The following RASGRF2 variants were observed in gnomAD, a reference collection of about 807,000 sequenced individuals.
RASGRF2 encodes the protein Ras protein specific guanine nucleotide releasing factor 2, also known as ras-specific guanine nucleotide-releasing factor 2.
RASGRF2 carries 76 observed loss-of-function variants against 151.0 expected under a neutral mutation model. That is an observed-to-expected ratio of 0.50 (90% CI 0.42 to 0.61). RASGRF2 has a LOEUF of 0.61. RASGRF2 is among the 20% of genes least tolerant of loss of function. The pLI is 0.00. For synonymous variants in RASGRF2, 504 were observed against 566.5 expected (o/e 0.89, Z 1.57); for missense variants, 1,148 against 1,564.6 (o/e 0.73, Z 4.49).
At chr5:81,043,337 C>A (rs1750738887) in intron 2 of RASGRF2, among the ~76,000 whole-genome samples, 1 of 152,148 alleles carries the variant, frequency 6.6e-6, no homozygotes, top group Non-Finnish European at 1.5e-5. Flanking sequence ...CCCCTGTCTG[C>A]AGATAAGGAA....
rs553197795 is a variant in RASGRF2, at chr5:80,981,217, A to G, written c.288+20191A>G. On this transcript the variant is annotated intron_variant, in intron 1 of 26. Coordinates refer to ENST00000265080, the MANE Select transcript of RASGRF2 (RefSeq NM_006909.3). Reference sequence around the variant, plus strand: ...TTTGGCTTTTCATTGCCTAATTGATACCACAGCACGGGTTCCAAGTTTTCC... The same window carrying G: ...TTTGGCTTTTCATTGCCTAATTGATGCCACAGCACGGGTTCCAAGTTTTCC... Among the ~76,000 whole-genome samples the G allele has an allele frequency of 2.0e-5, 3 of 152,286 alleles. No individual in the cohort carries two copies. The South Asian group carries it at 6.2e-4, about 32-fold the overall frequency.
At chr5:81,061,010 A>G (rs1439146835) in intron 2 of RASGRF2, among the ~76,000 whole-genome samples, 1 of 152,048 alleles carries the variant, frequency 6.6e-6, no homozygotes, top group Non-Finnish European at 1.5e-5. Flanking sequence ...GAACATATAT[A>G]CATGTACATG....
At chr5:81,158,236 G>A (rs1395809224) in intron 17 of RASGRF2, among the ~76,000 whole-genome samples, 1 of 152,206 alleles carries the variant, frequency 6.6e-6, no homozygotes, top group Non-Finnish European at 1.5e-5. Flanking sequence ...ATTTAAAGTT[G>A]TTGATTTTCT....
At position 81,085,838 on chromosome 5, in the gene RASGRF2, G is replaced by C. The variant is rs754678108; in HGVS notation, c.1198G>C (p.Ala400Pro). Reference protein sequence around the residue: ...RYIITLHELLAHTPHEHVERK... With the variant: ...RYIITLHELLPHTPHEHVERK... ...TATCATCACACTCCATGAGCTCCTT[G>C]CTCACACACCCCATGAGCATGTGGA... Residue 400 changes from alanine to proline, a missense_variant, in exon 8 of 27, where the codon GCT (alanine) becomes CCT (proline). Transcript: ENST00000265080. The C allele has an allele frequency of 6.2e-7, 1 of 1,613,936 alleles. No individual in the cohort carries two copies.
rs2112196559 is a variant in RASGRF2, at chr5:80,961,143, A to G, written c.288+117A>G. On this transcript the variant is annotated intron_variant, in intron 1 of 26. Coordinates refer to ENST00000265080, the MANE Select transcript of RASGRF2 (RefSeq NM_006909.3). ...AAGAGTGCGGGGACTATGCTCCGAA[A>G]TCCCCCCGCGTCACCAGTGGCGGGA... 2.5e-6 allele frequency: 3 copies of G among 1,185,876 alleles called. No individual in the cohort carries two copies. In the East Asian group the frequency reaches 8.3e-5, roughly 33 times the overall value. The allele number at this position is 1,185,876 out of a possible 1,614,324, so 73.5% of individuals were successfully genotyped here. A position where few individuals can be genotyped will look rare whatever the true frequency, so the allele number is the denominator to read the frequency against.
In RASGRF2 at chr5:81,154,691, C is replaced by A. The variant is rs906174156; in HGVS notation, c.2687-25484C>A. On this transcript the variant is annotated intron_variant, in intron 17 of 26. Coordinates refer to ENST00000265080, the MANE Select transcript of RASGRF2 (RefSeq NM_006909.3). ...TAATAGAAATAAACTTGAAAAGTCTCAAATATTTAGAAATTAAACAACAAA... is the reference window on the plus strand; with the variant it reads ...TAATAGAAATAAACTTGAAAAGTCTAAAATATTTAGAAATTAAACAACAAA... Among the ~76,000 whole-genome samples the A allele has an allele frequency of 4.1e-4, 63 of 152,064 alleles. 1 individual carries two copies. The highest frequency in any genetic ancestry group is 3.9e-4 in the Admixed American group (6 of 15,270).
chr5:81,188,594 C>A (rs773279833), intron 18 of RASGRF2, among the ~76,000 whole-genome samples: 25 of 152,118 alleles, frequency 1.6e-4, no homozygotes, highest in Admixed American at 9.8e-4. Context: ...TTCTGAATGA[C>A]AGAAACCCAA....
At chr5:81,220,188 G>A (rs571598603) in intron 26 of RASGRF2, among the ~76,000 whole-genome samples, 1 of 152,064 alleles carries the variant, frequency 6.6e-6, no homozygotes, top group South Asian at 2.1e-4. Flanking sequence ...GTTGGTCTTA[G>A]GATTAAAAAA....
chr5:80,975,603 C>T (rs551173755), intron 1 of RASGRF2, among the ~76,000 whole-genome samples: 27 of 152,180 alleles, frequency 1.8e-4, no homozygotes, highest in African/African-American at 6.3e-4. Flanking sequence ...CATTGCTGAA[C>T]ATTGTACATT....
chr5:81,032,716 A>T lies in RASGRF2; in HGVS notation c.289-10161A>T, dbSNP rs1238266100. On this transcript the variant is annotated intron_variant, in intron 1 of 26. Coordinates refer to ENST00000265080, the MANE Select transcript of RASGRF2 (RefSeq NM_006909.3). ...CACTGAATGGGCAAAACCTGGAAGC[A>T]TTCCCTTTGAAAACTGGCACAAGAC... 4.7e-5 allele frequency among the ~76,000 whole-genome samples: 7 copies of T among 149,108 alleles called. No individual in the cohort carries two copies. The East Asian group carries it at 1.2e-3, about 26-fold the overall frequency.
chr5:80,993,851 C>T (rs1748734186), intron 1 of RASGRF2, among the ~76,000 whole-genome samples: 3 of 152,174 alleles, frequency 2.0e-5, no homozygotes, highest in Admixed American at 2.0e-4. Flanking sequence ...ATGGTGGCCG[C>T]TGTGGGTCAA....
chr5:80,962,310 T>C (rs550847020), intron 1 of RASGRF2, among the ~76,000 whole-genome samples: 77 of 152,336 alleles, frequency 5.1e-4, no homozygotes, highest in African/African-American at 1.7e-3. Flanking sequence ...ACTTTATAGA[T>C]ATAGATACTA....
intron 1 of RASGRF2, among the ~76,000 whole-genome samples, chr5:81,032,736 C>T (rs966622593): frequency 3.1e-5 from 4 of 128,804 alleles, no homozygotes; most frequent in African/African-American, 1.4e-4. Flanking sequence ...AAAACTGGCA[C>T]AAGACAGGGA....
chr5:80,960,389 C>A lies in RASGRF2; in HGVS notation c.-350C>A, dbSNP rs1428898452. 2.6e-5 allele frequency among the ~76,000 whole-genome samples: 4 copies of A among 151,174 alleles called. No homozygotes were observed. The highest frequency in any genetic ancestry group is 7.2e-5 in the African/African-American group (3 of 41,450). ...GTCCTTCCCCGGCTGCCGCCCCAGC[C>A]CGCCGCGGGGGCTCGGCTCCCGCAA... is the stretch of plus-strand genomic sequence containing the variant. On this transcript the variant is annotated 5_prime_UTR_variant, in exon 1 of 27. Transcript: ENST00000265080. This position sits in a 1 kb window ranked among gnomAD's most constrained non-coding sequence, Gnocchi z 5.5.
chr5:81,029,558 A>G (rs929222227), intron 1 of RASGRF2, among the ~76,000 whole-genome samples: 31 of 152,204 alleles, frequency 2.0e-4, no homozygotes, highest in Admixed American at 2.0e-4. Context: ...AACCTCCAGC[A>G]AACTCCAACA....
At chr5:81,029,980 C>G (rs959554604) in intron 1 of RASGRF2, among the ~76,000 whole-genome samples, 3 of 152,182 alleles carry the variant, frequency 2.0e-5, no homozygotes, top group Non-Finnish European at 4.4e-5. Context: ...AGCTGAAAAC[C>G]ATGGCACGAG....
At chr5:81,184,069 G>C (rs1281858001) in intron 18 of RASGRF2, among the ~76,000 whole-genome samples, 2 of 152,148 alleles carry the variant, frequency 1.3e-5, no homozygotes, top group Admixed American at 6.5e-5. Context: ...GTCAAATTGA[G>C]TTTATAGTTT....
At chr5:81,097,551 G>A (rs1752581571) in intron 12 of RASGRF2, among the ~76,000 whole-genome samples, 1 of 152,158 alleles carries the variant, frequency 6.6e-6, no homozygotes, top group Non-Finnish European at 1.5e-5. Flanking sequence ...AAGGTAAGAA[G>A]GATTGGGCTG....
intron 1 of RASGRF2, among the ~76,000 whole-genome samples, chr5:81,020,995 G>A (rs987089768): frequency 1.3e-5 from 2 of 152,162 alleles, no homozygotes; most frequent in African/African-American, 2.4e-5. Context: ...TTCACATACC[G>A]ATGTGAACGC....
Sources: gnomAD v4.1 joint callset for allele counts (sites outside exome capture counted in the v4.1 genomes callset) on GRCh38, gnomAD v4.1.1 for gene constraint, Gnocchi (gnomAD v3.1) non-coding constraint, MANE v1.5 for transcripts, NCBI Gene and HGNC (gene_info 2026-07-23, HGNC 2026-07-21) for gene names.